PPM1L: variants seen among roughly 807,000 people sequenced by gnomAD.
The protein encoded by PPM1L is protein phosphatase 1L.
Under a neutral mutation model 31.4 loss-of-function variants are expected in PPM1L, and 13 were observed. That is an observed-to-expected ratio of 0.41 (90% CI 0.27 to 0.66). The LOEUF (loss-of-function observed/expected upper bound fraction) is 0.66, where lower values mean the gene tolerates loss of function less well. Among genes scored for constraint, PPM1L ranks in the 30% least tolerant of loss-of-function variants. PPM1L has a pLI of 0.29. For missense variants in PPM1L, 326 were observed against 453.7 expected (o/e 0.72, Z 2.56); for synonymous variants, 184 against 175.4 (o/e 1.05, Z -0.39).
intron 1 of PPM1L, among the ~76,000 whole-genome samples, chr3:160,918,065 A>G (rs1714254346): frequency 6.6e-6 from 1 of 152,162 alleles, no homozygotes; most frequent in South Asian, 2.1e-4. Context: ...TCTCACTCAC[A>G]GGAGTCACCC....
At chr3:160,854,055 T>C (rs917338526) in intron 1 of PPM1L, among the ~76,000 whole-genome samples, 1 of 152,220 alleles carries the variant, frequency 6.6e-6, no homozygotes, top group Non-Finnish European at 1.5e-5. Context: ...TTACTGGACT[T>C]TCAGGTGTTC....
intron 1 of PPM1L, among the ~76,000 whole-genome samples, chr3:160,764,472 TCTC>T (rs1715053990): frequency 6.6e-6 from 1 of 151,694 alleles, no homozygotes. Flanking sequence ...TCTCTCTCTC[TCTC>T]TTTTTTTTTT....
chr3:161,051,581 A>T (rs1015124293), intron 2 of PPM1L, among the ~76,000 whole-genome samples: 7 of 152,164 alleles, frequency 4.6e-5, no homozygotes, highest in Admixed American at 2.0e-4. Flanking sequence ...TTATCAGGTC[A>T]TTGGGACCAC....
intron 2 of PPM1L, among the ~76,000 whole-genome samples, chr3:161,054,863 T>G (rs1432191658): frequency 6.6e-6 from 1 of 152,188 alleles, no homozygotes; most frequent in Admixed American, 6.5e-5. Flanking sequence ...TCCATATAGA[T>G]AGATCATTTT....
intron 2 of PPM1L, among the ~76,000 whole-genome samples, chr3:161,025,906 G>A (rs936006977): frequency 6.6e-6 from 1 of 152,072 alleles, no homozygotes; most frequent in African/African-American, 2.4e-5. Flanking sequence ...ATATTTTAAA[G>A]ATCTAAAGCA....
At chr3:160,787,473 T>G (rs1711970379) in intron 1 of PPM1L, among the ~76,000 whole-genome samples, 1 of 152,202 alleles carries the variant, frequency 6.6e-6, no homozygotes, top group African/African-American at 2.4e-5. Context: ...TTATTTAAGT[T>G]CCTCATAGAT....
intron 2 of PPM1L, among the ~76,000 whole-genome samples, chr3:160,969,893 C>T (rs1035320966): frequency 2.0e-5 from 3 of 152,026 alleles, no homozygotes; most frequent in Non-Finnish European, 2.9e-5. Context: ...ATTTTTTAAA[C>T]GTGGAAAAAG....
At chr3:160,900,153 C>T (rs942212541) in intron 1 of PPM1L, among the ~76,000 whole-genome samples, 6 of 151,948 alleles carry the variant, frequency 3.9e-5, no homozygotes, top group African/African-American at 1.2e-4. Context: ...ATTGTTAGAG[C>T]GAATTCAGTT....
intron 2 of PPM1L, among the ~76,000 whole-genome samples, chr3:161,024,361 C>A (rs1355491389): frequency 6.6e-6 from 1 of 151,756 alleles, no homozygotes; most frequent in Non-Finnish European, 1.5e-5. Context: ...TTAACCAATA[C>A]CCTGGGGATA....
chr3:160,915,511 T>C (rs1313269451), intron 1 of PPM1L, among the ~76,000 whole-genome samples: 3 of 152,056 alleles, frequency 2.0e-5, no homozygotes, highest in Admixed American at 2.0e-4. Flanking sequence ...TTCAATGCCA[T>C]CCCCATCAAG....
chr3:160,863,223 A>T (rs958269168), intron 1 of PPM1L, among the ~76,000 whole-genome samples: 3 of 152,236 alleles, frequency 2.0e-5, no homozygotes, highest in African/African-American at 7.2e-5. Context: ...TGAAGATGAT[A>T]GAATTTTTAA....
chr3:160,976,831 G>T (rs983398264), intron 2 of PPM1L, among the ~76,000 whole-genome samples: 6 of 152,224 alleles, frequency 3.9e-5, no homozygotes, highest in African/African-American at 1.4e-4. Flanking sequence ...CCAGCTCCTG[G>T]ATTCATTAAT....
chr3:161,007,527 T>C (rs1331956412), intron 2 of PPM1L, among the ~76,000 whole-genome samples: 4 of 152,116 alleles, frequency 2.6e-5, no homozygotes, highest in African/African-American at 9.7e-5. Context: ...ACTTTTTGGG[T>C]CATTATATAG....
rs193132764 is a variant in PPM1L at position 160,930,758 on chromosome 3, G to A, written c.400-30978G>A. Among the ~76,000 whole-genome samples, 131 of 152,260 alleles carry A rather than the reference G, an allele frequency of 8.6e-4. 1 individual carries two copies. Among genetic ancestry groups the A allele is most frequent in the Admixed American group, 8.1e-3 (124 of 15,292 alleles). ...GTGGGTCTGCATGTCACTTTCTGAT[G>A]GCCGTCTTCAGTTCTTACACGCCTG... On this transcript the variant is annotated intron_variant, in intron 1 of 3. Transcript: ENST00000498165.
chr3:160,812,420 A>G (rs1284455178), intron 1 of PPM1L, among the ~76,000 whole-genome samples: 4 of 152,168 alleles, frequency 2.6e-5, no homozygotes, highest in Non-Finnish European at 5.9e-5. Flanking sequence ...GCTTTATACC[A>G]GGAGGACTCA....
chr3:160,774,669 G>A (rs1237022760), intron 1 of PPM1L, among the ~76,000 whole-genome samples: 1 of 152,302 alleles, frequency 6.6e-6, no homozygotes, highest in East Asian at 1.9e-4. Flanking sequence ...ATACCTGATG[G>A]ATACACATGC....
At chr3:160,882,752 A>G (rs1333819907) in intron 1 of PPM1L, among the ~76,000 whole-genome samples, 1 of 152,208 alleles carries the variant, frequency 6.6e-6, no homozygotes, top group Non-Finnish European at 1.5e-5. Flanking sequence ...CAGGTCACCC[A>G]GTTGTCCTCC....
chr3:160,839,661 A>G (rs1713812068), intron 1 of PPM1L, among the ~76,000 whole-genome samples: 1 of 152,204 alleles, frequency 6.6e-6, no homozygotes, highest in South Asian at 2.1e-4. Flanking sequence ...AGGTGTTTCT[A>G]TGACTATTTA....
intron 1 of PPM1L, among the ~76,000 whole-genome samples, chr3:160,938,701 C>T (rs1315380654): frequency 6.6e-6 from 1 of 152,126 alleles, no homozygotes; most frequent in Admixed American, 6.5e-5. Context: ...AGCCCACTCC[C>T]CTGTTTTACA....
Sources: allele counts gnomAD v4.1 joint callset (sites outside exome capture counted in the v4.1 genomes callset), GRCh38; gene constraint gnomAD v4.1.1; transcripts MANE v1.5; gene names NCBI Gene and HGNC (gene_info 2026-07-23, HGNC 2026-07-21).